RBFOX1: variants seen among roughly 807,000 people sequenced by gnomAD.
RBFOX1 encodes the protein RNA binding protein fox-1 homolog 1.
Under a neutral mutation model 57.7 loss-of-function variants are expected in RBFOX1, and 8 were observed. The ratio of observed to expected loss-of-function variants is 0.14; its 90% CI spans 0.08 to 0.25. The LOEUF is 0.25. RBFOX1 is among the 10% of genes least tolerant of loss of function. The probability of loss-of-function intolerance (pLI) is 1.00; values close to 1 mark genes in which losing one functional copy is unlikely to be tolerated. For synonymous variants in RBFOX1, 326 were observed against 222.4 expected, an observed-to-expected ratio of 1.47 and a Z score of -4.15; for missense variants, 611 against 548.5, an observed-to-expected ratio of 1.11 and a Z score of -1.14.
At chr16:5,970,037 C>G (rs2059932096) in intron 4 of RBFOX1, among the ~76,000 whole-genome samples, 1 of 152,042 alleles carries the variant, frequency 6.6e-6, no homozygotes, top group Non-Finnish European at 1.5e-5. Flanking sequence ...CAGCTGCTGT[C>G]TTCAGATTGG....
intron 2 of RBFOX1, among the ~76,000 whole-genome samples, chr16:6,392,513 A>C (rs1203381323): frequency 6.6e-6 from 1 of 152,222 alleles, no homozygotes; most frequent in Non-Finnish European, 1.5e-5. Context: ...AGGGAAATAA[A>C]ATGTAAAGTT....
At chr16:6,207,423 TC>T (rs1218260889) in intron 1 of RBFOX1, among the ~76,000 whole-genome samples, 1 of 152,152 alleles carries the variant, frequency 6.6e-6, no homozygotes, top group East Asian at 1.9e-4. Context: ...GAAGAGGCAA[TC>T]CGTTTGACAG....
At chr16:6,231,250 G>GTC (rs1262740079) in intron 1 of RBFOX1, among the ~76,000 whole-genome samples, 1 of 151,714 alleles carries the variant, frequency 6.6e-6, no homozygotes, top group African/African-American at 2.4e-5. Context: ...GTGTGTGTGT[G>GTC]TGTGTGTGTT....
intron 1 of RBFOX1, among the ~76,000 whole-genome samples, chr16:5,380,356 A>G (rs1208669523): frequency 6.6e-6 from 1 of 152,242 alleles, no homozygotes; most frequent in Admixed American, 6.5e-5. Context: ...AGCGGTTAGA[A>G]CAAGAGATAC....
chr16:7,245,687 A>C (rs539965864), intron 4 of RBFOX1, among the ~76,000 whole-genome samples: 3 of 152,336 alleles, frequency 2.0e-5, no homozygotes, highest in Admixed American at 6.5e-5. Flanking sequence ...TTGTTTGTTG[A>C]AAGATGTTTG....
chr16:6,899,911 T>C lies in RBFOX1; in HGVS notation c.-15-152146T>C, dbSNP rs189503044. Among the ~76,000 whole-genome samples the C allele has an allele frequency of 1.3e-3, 200 of 152,318 alleles. 1 individual carries two copies. Among genetic ancestry groups the C allele is most frequent in the African/African-American group, 4.5e-3 (187 of 41,580 alleles). ...AATGAGAGAGATTTTTTTGCCCATGTTCTGACCATAACCATTTGAACTATG... is the reference window on the plus strand; with the variant it reads ...AATGAGAGAGATTTTTTTGCCCATGCTCTGACCATAACCATTTGAACTATG... On this transcript the variant is annotated intron_variant, in intron 3 of 15. Transcript: ENST00000550418.
rs751933237 is a variant in RBFOX1, at chr16:7,620,603, T to G, written c.677-10000T>G. Among the ~76,000 whole-genome samples, 11 of 152,312 alleles carry G rather than the reference T, an allele frequency of 7.2e-5. No homozygotes were observed. In the East Asian group the frequency reaches 7.7e-4, roughly 11 times the overall value. On this transcript the variant is annotated intron_variant, in intron 10 of 15. Coordinates refer to ENST00000550418, the MANE Select transcript of RBFOX1 (RefSeq NM_018723.4). ...GATCAGGAGGTTCTAGCTAACATCT[T>G]TAGCCAGGAAGAGTCAGGTGTTTCC...
intron 3 of RBFOX1, among the ~76,000 whole-genome samples, chr16:5,820,957 C>A (rs1203250073): frequency 2.0e-5 from 3 of 152,162 alleles, no homozygotes; most frequent in East Asian, 1.9e-4. Flanking sequence ...CAGTGCCCTC[C>A]CTGTGAGCCC....
intron 1 of RBFOX1, among the ~76,000 whole-genome samples, chr16:6,248,699 G>A (rs1283543355): frequency 6.6e-6 from 1 of 152,024 alleles, no homozygotes; most frequent in Non-Finnish European, 1.5e-5. Flanking sequence ...TTGATATAGA[G>A]GTTAAGTATG....
At chr16:7,151,266 C>T (rs1342154877) in intron 4 of RBFOX1, among the ~76,000 whole-genome samples, 1 of 152,174 alleles carries the variant, frequency 6.6e-6, no homozygotes, top group Non-Finnish European at 1.5e-5. Flanking sequence ...CTTGCCTTCA[C>T]TTGGATTCAG....
chr16:6,077,946 C>G (rs529771125), intron 1 of RBFOX1, among the ~76,000 whole-genome samples: 1 of 152,090 alleles, frequency 6.6e-6, no homozygotes, highest in South Asian at 2.1e-4. Flanking sequence ...AGCTGTTGCC[C>G]CCAGGAAATG....
chr16:7,328,477 CAAAAAAAAAA>C (rs58553232), intron 4 of RBFOX1, among the ~76,000 whole-genome samples: 1 of 60,748 alleles, frequency 1.6e-5, no homozygotes, highest in Non-Finnish European at 3.1e-5. Context: ...GACTCTGTCT[CAAAAAAAAAA>C]AAAAAAAAAA....
At chr16:6,161,852 C>T (rs745445404) in intron 1 of RBFOX1, among the ~76,000 whole-genome samples, 34 of 152,338 alleles carry the variant, frequency 2.2e-4, no homozygotes, top group Middle Eastern at 3.4e-3. Flanking sequence ...GCTCCCTAAT[C>T]ACTGGGAACA....
At chr16:6,578,762 G>A (rs893964707) in intron 2 of RBFOX1, among the ~76,000 whole-genome samples, 3 of 151,982 alleles carry the variant, frequency 2.0e-5, no homozygotes, top group African/African-American at 7.2e-5. Context: ...TGGGATCAAA[G>A]TAAAATAGAT....
chr16:7,364,366 GA>G (rs200837664), intron 4 of RBFOX1, among the ~76,000 whole-genome samples: 2,144 of 151,532 alleles, frequency 0.014, 50 homozygotes, highest in African/African-American at 0.048. Context: ...TTTTTAAGAG[GA>G]AAAAAAATGA....
chr16:6,854,288 T>A (rs2057386483), intron 3 of RBFOX1, among the ~76,000 whole-genome samples: 1 of 152,144 alleles, frequency 6.6e-6, no homozygotes, highest in South Asian at 2.1e-4. Flanking sequence ...TAAGGAAAGA[T>A]GGAGGATCAA....
chr16:7,268,097 G>C (rs979027015), intron 4 of RBFOX1, among the ~76,000 whole-genome samples: 3 of 152,148 alleles, frequency 2.0e-5, no homozygotes, highest in African/African-American at 7.2e-5. Context: ...TTAGTGTGCT[G>C]AATATGGTAG....
chr16:6,228,530 A>G (rs747419412), intron 1 of RBFOX1, among the ~76,000 whole-genome samples: 13 of 152,114 alleles, frequency 8.5e-5, no homozygotes, highest in Non-Finnish European at 1.3e-4. Context: ...TTGAACCTGG[A>G]GGACATTATG....
intron 2 of RBFOX1, among the ~76,000 whole-genome samples, chr16:6,482,374 C>G (rs576352963): frequency 6.6e-6 from 1 of 152,158 alleles, no homozygotes; most frequent in Non-Finnish European, 1.5e-5. Context: ...AGTCATTTCC[C>G]CAGCCAATTA....
Sources: allele counts gnomAD v4.1 joint callset (sites outside exome capture counted in the v4.1 genomes callset), GRCh38; gene constraint gnomAD v4.1.1; transcripts MANE v1.5; gene names NCBI Gene and HGNC (gene_info 2026-07-23, HGNC 2026-07-21).